Variants in AMBP observed in about 807,000 individuals in gnomAD.
AMBP encodes the protein alpha-1-microglobulin/bikunin precursor.
A neutral mutation model predicts 46.3 loss-of-function variants in AMBP; 37 were observed. The ratio of observed to expected loss-of-function variants is 0.80; its 90% CI spans 0.61 to 1.05. AMBP has a LOEUF of 1.05. AMBP is among the 50% of genes least tolerant of loss of function. AMBP has a pLI of 0.00. For synonymous variants in AMBP, 174 were observed against 175.9 expected (o/e 0.99, Z 0.09); for missense variants, 475 against 461.2 (o/e 1.03, Z -0.27).
Position 114,078,151 on chromosome 9 carries a change from C to T in AMBP, c.59G>A (p.Gly20Asp), listed in dbSNP as rs1415940796. ...GTTGTCGGGCGGCGTTGGCACAGGGCCAGCGCTCACCGCCAGGCAGGCGCT... is the reference window on the plus strand; with the variant it reads ...GTTGTCGGGCGGCGTTGGCACAGGGTCAGCGCTCACCGCCAGGCAGGCGCT... ...LLSACLAVSAGPVPTPPDNIQ... is the reference protein window; with the variant it reads ...LLSACLAVSADPVPTPPDNIQ... Residue 20 changes from glycine (G) to aspartate (D), a missense_variant, in exon 1 of 10, where the codon GGC becomes GAC. Physicochemically the swap from Gly to Asp is moderately conservative, Grantham distance 94. This residue lies in a region of AMBP where 179 missense variants were observed against 167.4 expected (regional missense o/e 1.07). Coordinates refer to ENST00000265132, the MANE Select transcript of AMBP (RefSeq NM_001633.4). The T allele has an allele frequency of 1.9e-6, 3 of 1,613,642 alleles. No individual in the cohort carries two copies. The South Asian group carries it at 3.3e-5, about 18-fold the overall frequency.
At chr9:114,063,154 G>T (rs1439559568) in intron 6 of AMBP, among the ~76,000 whole-genome samples, 1 of 152,004 alleles carries the variant, frequency 6.6e-6, no homozygotes, top group African/African-American at 2.4e-5. Flanking sequence ...TACAGGAAGG[G>T]CTGACCAGAT....
At chr9:114,065,605 C>T (rs1846686394) in intron 6 of AMBP, among the ~76,000 whole-genome samples, 2 of 152,146 alleles carry the variant, frequency 1.3e-5, no homozygotes, top group African/African-American at 2.4e-5. Context: ...TTCAGACCCG[C>T]ATGTGCACCT....
intron 6 of AMBP, among the ~76,000 whole-genome samples, chr9:114,066,422 G>A (rs1040445427): frequency 1.3e-5 from 1 of 76,274 alleles, no homozygotes; most frequent in Non-Finnish European, 2.9e-5. Flanking sequence ...TAGAGATGGG[G>A]TCTTGCTATG....
Position 114,076,726 on chromosome 9 carries a change from C to T in AMBP, c.132G>A (p.Trp44Ter). 1 of 1,614,006 alleles carries T rather than the reference C, an allele frequency of 6.2e-7. No individual in the cohort carries two copies. Among genetic ancestry groups the T allele is most frequent in the Non-Finnish European group, 8.5e-7 (1 of 1,179,944 alleles). The change falls in exon 2 of 10, where the codon TGG becomes TGA. Residue 44 changes from tryptophan (W) to a stop codon, truncating the protein, a stop_gained. Coordinates refer to ENST00000265132, the MANE Select transcript of AMBP (RefSeq NM_001633.4). LOFTEE classifies it high-confidence loss of function. The part of the protein sequence containing the change: ...NFNISRIYGK[W>*]YNLAIGSTCP... Reference sequence around the variant, plus strand: ...AGGTGGAACCGATGGCCAGGTTGTACCACTTCCCATAGATCTAGGAGGCAG... The same window carrying T: ...AGGTGGAACCGATGGCCAGGTTGTATCACTTCCCATAGATCTAGGAGGCAG...
chr9:114,062,028 G>A lies in AMBP; in HGVS notation c.686-437C>T, dbSNP rs74664962. On this transcript the variant is annotated intron_variant, in intron 7 of 9. Transcript: ENST00000265132. ...TCCATAAAACTTTACCTGGATGCCT[G>A]GACACAGTGTGAATTCCCCTTTATC... Among the ~76,000 whole-genome samples, 1,414 of 152,200 alleles carry A rather than the reference G, an allele frequency of 9.3e-3. 19 individuals are homozygous for A. The highest frequency in any genetic ancestry group is 0.012 in the Non-Finnish European group (787 of 68,018).
chr9:114,076,534 G>A (rs1435055907), intron 2 of AMBP, 64 bp downstream of exon 2: 15 of 1,580,212 alleles, frequency 9.5e-6, no homozygotes, highest in Admixed American at 1.7e-5. Flanking sequence ...CAGGATGGAC[G>A]GGGCTGGGAA....
Position 114,069,711 on chromosome 9 carries a change from G to A in AMBP, c.591C>T (p.Pro197=), listed in dbSNP as rs1461814699. ...ATGAGGCACTCACCGGGATTAAGAT[G>A]GGCTCTGGTTCCTGCTCCCCAGGGA... is the stretch of plus-strand genomic sequence containing the variant. ...ECVPGEQEPE[P]ILIPRVRRAV... The change falls in exon 6 of 10, where the codon CCC becomes CCT. Residue 197 remains proline, a synonymous_variant. Transcript: ENST00000265132. 6.2e-7 allele frequency: 1 copy of A among 1,613,798 alleles called. No individual in the cohort carries two copies. The highest frequency in any genetic ancestry group is 1.7e-5 in the Admixed American group (1 of 59,988).
In AMBP at chr9:114,066,044, T is replaced by C. The variant is rs371850767; in HGVS notation, c.604-3286A>G. On this transcript the variant is annotated intron_variant, in intron 6 of 9. Transcript: ENST00000265132. ...CCAGGGGTCAGCCCCTTTTGGGGAC[T>C]GTGGCAGCTAAAGGAGCCATCTTAC... Among the ~76,000 whole-genome samples the C allele has an allele frequency of 1.2e-4, 18 of 152,294 alleles. No individual in the cohort carries two copies. In the East Asian group the frequency reaches 1.7e-3, roughly 15 times the overall value.
Position 114,062,711 on chromosome 9 carries a change from A to C in AMBP, c.651T>G (p.Gly217=), listed in dbSNP as rs1564370798. 1.9e-6 allele frequency: 3 copies of C among 1,613,558 alleles called. No homozygotes were observed. The highest frequency in any genetic ancestry group is 2.5e-6 in the Non-Finnish European group (3 of 1,179,928). Residue 217 remains glycine (G), a synonymous_variant, in exon 7 of 10, where the codon GGT becomes GGG. Transcript: ENST00000265132. The part of the protein sequence containing the change: ...VLPQEEEGSG[G]GQLVTEVTKK... ...TGGTGACTTCAGTTACCAGTTGCCC[A>C]CCCCCTGATCCTTCCTCTTCTTGGG... is the stretch of plus-strand genomic sequence containing the variant.
At chr9:114,066,852 A>G (rs1018302336) in intron 6 of AMBP, among the ~76,000 whole-genome samples, 1 of 152,196 alleles carries the variant, frequency 6.6e-6, no homozygotes, top group Non-Finnish European at 1.5e-5. Context: ...AGATAAACTC[A>G]ATGATATCAA....
chr9:114,070,822 G>T (rs1287629956), intron 5 of AMBP, among the ~76,000 whole-genome samples: 3 of 151,978 alleles, frequency 2.0e-5, no homozygotes, highest in African/African-American at 7.2e-5. Flanking sequence ...ATGTCCCCAG[G>T]GTCCACCCCA....
chr9:114,077,025 TG>T (rs1269511523), intron 1 of AMBP, among the ~76,000 whole-genome samples: 5 of 152,158 alleles, frequency 3.3e-5, no homozygotes, highest in Admixed American at 1.3e-4. Context: ...TCTCAAGATG[TG>T]GGATCTGTCC....
chr9:114,060,514 C>T (rs1327861581), intron 9 of AMBP, among the ~76,000 whole-genome samples: 1 of 152,106 alleles, frequency 6.6e-6, no homozygotes, highest in Non-Finnish European at 1.5e-5. Flanking sequence ...TTACTGTTAC[C>T]ATTGTATCGT....
At position 114,078,236 on chromosome 9, in the gene AMBP, A is replaced by G; in HGVS notation, c.-27T>C. The G allele has an allele frequency of 6.2e-7, 1 of 1,600,956 alleles. No individual in the cohort carries two copies. Among genetic ancestry groups the G allele is most frequent in the East Asian group, 2.2e-5 (1 of 44,752 alleles). On this transcript the variant is annotated 5_prime_UTR_variant, in exon 1 of 10. Coordinates refer to ENST00000265132, the MANE Select transcript of AMBP (RefSeq NM_001633.4). ...GCTATGGGCTCCTCTGCCTTGGTAT[A>G]TCCCACAGGCTCGGTCTAGCAACAG...
chr9:114,060,893 G>C (rs368024846), intron 9 of AMBP, 32 bp downstream of exon 9: 2 of 1,596,334 alleles, frequency 1.3e-6, no homozygotes, highest in Non-Finnish European at 1.7e-6. Context: ...ACAGCCCCTC[G>C]GCCCAGCCTG....
chr9:114,075,096 C>T, intron 2 of AMBP, 60 bp from the exon 3 acceptor site: 1 of 1,415,216 alleles, frequency 7.1e-7, no homozygotes, highest in Non-Finnish European at 1.0e-6. Context: ...TCCTGACACT[C>T]AACCCTCCTG....
intron 5 of AMBP, among the ~76,000 whole-genome samples, chr9:114,071,498 TGGGTGCCATGAATAGCAGCA>T (rs1846744398): frequency 6.6e-6 from 1 of 152,336 alleles, no homozygotes; most frequent in South Asian, 2.1e-4. Flanking sequence ...ATGAACAGCC[TGGGTGCCATGAATAGCAGCA>T]GGAGGCTGAC....
intron 6 of AMBP, among the ~76,000 whole-genome samples, chr9:114,063,661 A>G (rs914105894): frequency 5.9e-5 from 9 of 152,222 alleles, no homozygotes; most frequent in African/African-American, 2.2e-4. Context: ...ACAGAAGAAC[A>G]CTTAAACCTT....
chr9:114,076,536 G>A, intron 2 of AMBP, 62 bp downstream of exon 2: 2 of 1,588,034 alleles, frequency 1.3e-6, no homozygotes, highest in Non-Finnish European at 8.5e-7. Context: ...GGATGGACGG[G>A]GCTGGGAAGG....
Sources: allele counts gnomAD v4.1 joint callset (sites outside exome capture counted in the v4.1 genomes callset), GRCh38; gene constraint gnomAD v4.1.1; regional missense constraint gnomAD v4.1.1; transcripts MANE v1.5; gene names NCBI Gene and HGNC (gene_info 2026-07-23, HGNC 2026-07-21).